Variants in MRPS28 observed in about 807,000 individuals in gnomAD.
MRPS28 encodes mitochondrial ribosomal protein S28, also known as small ribosomal subunit protein bS1m.
In MRPS28, 7 loss-of-function variants were observed where a neutral mutation model predicts 10.8. That is an observed-to-expected ratio of 0.65 (90% confidence interval 0.37 to 1.22). The LOEUF is 1.22. Ranked by LOEUF, MRPS28 falls within the 50% of genes most tolerant of loss-of-function variation. MRPS28 has a pLI of 0.02. For synonymous variants in MRPS28, 121 were observed against 93.3 expected (o/e 1.30, Z -1.71); for missense variants, 265 against 232.9 (o/e 1.14, Z -0.90).
At chr8:79,979,157 C>G (rs1048146933) in intron 2 of MRPS28, among the ~76,000 whole-genome samples, 6 of 152,094 alleles carry the variant, frequency 3.9e-5, no homozygotes, top group Non-Finnish European at 8.8e-5. Flanking sequence ...AATGTTCATT[C>G]AAATCTTTAT....
At chr8:79,982,092 C>T (rs1807973409) in intron 2 of MRPS28, among the ~76,000 whole-genome samples, 1 of 152,012 alleles carries the variant, frequency 6.6e-6, no homozygotes, top group Non-Finnish European at 1.5e-5. Context: ...ACTAAAAGTA[C>T]AAAAATTAGG....
At chr8:80,002,518 T>C (rs1420429743) in intron 2 of MRPS28, among the ~76,000 whole-genome samples, 1 of 152,208 alleles carries the variant, frequency 6.6e-6, no homozygotes, top group African/African-American at 2.4e-5. Flanking sequence ...ACCTTAGTGC[T>C]TTCTCCAGTG....
rs557311146 is a variant in MRPS28, at chr8:80,002,622, T to C, written c.395+377A>G. Among the ~76,000 whole-genome samples, 20 of 151,786 alleles carry C rather than the reference T, an allele frequency of 1.3e-4. 1 individual carries two copies. The South Asian group carries it at 3.5e-3, about 27-fold the overall frequency. On this transcript the variant is annotated intron_variant, in intron 2 of 2. Transcript: ENST00000276585. ...AATAATCCTAAAAATAGATGCAAAATAATAAGAAAAGAAAGGAGAAGTGGA... is the reference window on the plus strand; with the variant it reads ...AATAATCCTAAAAATAGATGCAAAACAATAAGAAAAGAAAGGAGAAGTGGA...
chr8:79,952,114 G>T (rs1047245985), intron 2 of MRPS28, among the ~76,000 whole-genome samples: 2 of 152,044 alleles, frequency 1.3e-5, no homozygotes, highest in Admixed American at 6.6e-5. Flanking sequence ...AAGATGTCTT[G>T]AATCCCCCTT....
chr8:80,017,081 A>T (rs1340428185), intron 1 of MRPS28, among the ~76,000 whole-genome samples: 1 of 152,234 alleles, frequency 6.6e-6, no homozygotes, highest in Non-Finnish European at 1.5e-5. Context: ...ATTTAAAGGA[A>T]TAGAAATCAT....
intron 2 of MRPS28, among the ~76,000 whole-genome samples, chr8:79,976,136 T>C (rs1375641772): frequency 6.6e-6 from 1 of 151,568 alleles, no homozygotes; most frequent in East Asian, 1.9e-4. Flanking sequence ...CAGGCTGGAG[T>C]GCAATGGCGC....
chr8:79,932,839 C>T (rs1417553630), intron 2 of MRPS28, among the ~76,000 whole-genome samples: 1 of 152,206 alleles, frequency 6.6e-6, no homozygotes, highest in Non-Finnish European at 1.5e-5. Flanking sequence ...AGAATTCACT[C>T]AGGACCATGG....
chr8:79,965,642 A>G (rs1807486298), intron 2 of MRPS28, among the ~76,000 whole-genome samples: 1 of 152,084 alleles, frequency 6.6e-6, no homozygotes, highest in Non-Finnish European at 1.5e-5. Flanking sequence ...CTACACAGCT[A>G]TAATTAGTTT....
At chr8:79,961,094 A>G (rs1411902559) in intron 2 of MRPS28, among the ~76,000 whole-genome samples, 1 of 152,100 alleles carries the variant, frequency 6.6e-6, no homozygotes, top group East Asian at 1.9e-4. Context: ...TATATCCTGA[A>G]TAAAAAGTTA....
chr8:79,971,756 G>A (rs1207152069), intron 2 of MRPS28, among the ~76,000 whole-genome samples: 2 of 152,108 alleles, frequency 1.3e-5, no homozygotes, highest in African/African-American at 2.4e-5. Context: ...GGAGTGCAGT[G>A]GTGCGATCTC....
At chr8:79,921,319 C>T (rs1461623250) in intron 2 of MRPS28, among the ~76,000 whole-genome samples, 1 of 151,948 alleles carries the variant, frequency 6.6e-6, no homozygotes, top group Admixed American at 6.6e-5. Context: ...TTTTCCAATT[C>T]TGTGAAGAAA....
At chr8:79,966,591 A>C (rs1807508947) in intron 2 of MRPS28, among the ~76,000 whole-genome samples, 1 of 152,124 alleles carries the variant, frequency 6.6e-6, no homozygotes, top group South Asian at 2.1e-4. Flanking sequence ...TCAGTCAAAA[A>C]ATAATGGAAT....
chr8:80,013,659 GAA>G (rs1809119265), intron 1 of MRPS28, among the ~76,000 whole-genome samples: 1 of 133,718 alleles, frequency 7.5e-6, no homozygotes, highest in African/African-American at 2.8e-5. Flanking sequence ...AAAAAGAAAA[GAA>G]AAAAGAAAAA....
chr8:79,980,741 C>T (rs1807931109), intron 2 of MRPS28, among the ~76,000 whole-genome samples: 1 of 152,222 alleles, frequency 6.6e-6, no homozygotes, highest in South Asian at 2.1e-4. Context: ...TTATACTCTG[C>T]AAGGCACTAT....
At chr8:79,924,100 G>C (rs1348174398) in intron 2 of MRPS28, among the ~76,000 whole-genome samples, 1 of 152,174 alleles carries the variant, frequency 6.6e-6, no homozygotes, top group African/African-American at 2.4e-5. Context: ...TATCCAAAGA[G>C]AATACTGTGA....
At chr8:79,933,393 C>T (rs1344347874) in intron 2 of MRPS28, among the ~76,000 whole-genome samples, 2 of 152,186 alleles carry the variant, frequency 1.3e-5, no homozygotes. Context: ...ACCCTTAGAC[C>T]TCACTTAACC....
chr8:80,020,994 C>T (rs917937903), intron 1 of MRPS28, among the ~76,000 whole-genome samples: 14 of 151,068 alleles, frequency 9.3e-5, no homozygotes, highest in Admixed American at 7.9e-4. Flanking sequence ...TATATATATT[C>T]GCACACACAC....
At chr8:80,000,853 T>C (rs903804618) in intron 2 of MRPS28, among the ~76,000 whole-genome samples, 3 of 152,076 alleles carry the variant, frequency 2.0e-5, no homozygotes, top group Non-Finnish European at 4.4e-5. Context: ...TAATTCTAGA[T>C]CTCTAAGGCA....
intron 2 of MRPS28, among the ~76,000 whole-genome samples, chr8:79,968,716 TAAA>T (rs749304458): frequency 7.4e-6 from 1 of 135,270 alleles, no homozygotes. Context: ...AGACTCTGTC[TAAA>T]AAAAAAAAAA....
Sources: allele counts gnomAD v4.1 joint callset (sites outside exome capture counted in the v4.1 genomes callset), GRCh38; gene constraint gnomAD v4.1.1; transcripts MANE v1.5; gene names NCBI Gene and HGNC (gene_info 2026-07-23, HGNC 2026-07-21).